The following SETD3 variants were observed in gnomAD, a reference collection of about 807,000 sequenced individuals.
The protein encoded by SETD3 is actin-histidine N-methyltransferase.
In SETD3, 19 loss-of-function variants were observed where a neutral mutation model predicts 63.0. The ratio of observed to expected loss-of-function variants is 0.30; its 90% CI spans 0.21 to 0.44. The LOEUF (loss-of-function observed/expected upper bound fraction) is 0.44. Ranked by LOEUF, SETD3 falls within the 20% of genes least tolerant of loss-of-function variation. The pLI is 1.00. For synonymous variants in SETD3, 286 were observed against 264.1 expected, an observed-to-expected ratio of 1.08 and a Z score of -0.80; for missense variants, 587 against 728.5, an observed-to-expected ratio of 0.81 and a Z score of 2.24.
rs200644085 is a variant in SETD3 at position 99,405,249 on chromosome 14, G to C, written c.1047C>G (p.Leu349=). 34 of 1,614,158 alleles carry C rather than the reference G, an allele frequency of 2.1e-5. No homozygotes were observed. Among genetic ancestry groups the C allele is most frequent in the Middle Eastern group, 1.7e-4 (1 of 6,060 alleles). The change falls in exon 10 of 13, where the codon CTC becomes CTG. Residue 349 remains leucine (L), a synonymous_variant. Coordinates refer to ENST00000331768, the MANE Select transcript of SETD3 (RefSeq NM_032233.3). ...CCAAGACCTCGGCCTTCATGGCGTA[G>C]AGTCTGTCACTTTTACTCACTCCAA... is the stretch of plus-strand genomic sequence containing the variant. The part of the protein sequence containing the change: ...IKLGVSKSDR[L]YAMKAEVLAR...
At chr14:99,474,650 A>C (rs933340315) in intron 1 of SETD3, among the ~76,000 whole-genome samples, 3 of 152,136 alleles carry the variant, frequency 2.0e-5, no homozygotes, top group Non-Finnish European at 4.4e-5. Context: ...GGATCGCCTG[A>C]GGTCAGGAGT....
At position 99,455,655 on chromosome 14, in the gene SETD3, A is replaced by G. The variant is rs184144570; in HGVS notation, c.675+2624T>C. ...GTTGGTAGGCCTCAGGCTTCCAATC[A>G]TTAGGTGGGAAGAACTGTGATTTTC... On this transcript the variant is annotated intron_variant, in intron 6 of 12. Coordinates refer to ENST00000331768, the MANE Select transcript of SETD3 (RefSeq NM_032233.3). 3.3e-5 allele frequency among the ~76,000 whole-genome samples: 5 copies of G among 152,324 alleles called. No homozygotes were observed. In the East Asian group the frequency reaches 9.7e-4, roughly 29 times the overall value.
intron 1 of SETD3, among the ~76,000 whole-genome samples, chr14:99,480,455 G>T (rs1244648622): frequency 5.3e-5 from 8 of 151,564 alleles, no homozygotes; most frequent in African/African-American, 1.9e-4. Flanking sequence ...GGGCAGCGGC[G>T]AGCGCGCGCC....
At chr14:99,443,231 G>A (rs1893932571) in intron 6 of SETD3, among the ~76,000 whole-genome samples, 1 of 148,554 alleles carries the variant, frequency 6.7e-6, no homozygotes. Flanking sequence ...TCTCCATAAA[G>A]CAATCTTCCT....
chr14:99,463,401 GACCTTT>G, intron 3 of SETD3, 79 bp downstream of exon 3: 2 of 978,542 alleles, frequency 2.0e-6, no homozygotes, highest in Non-Finnish European at 3.1e-6. Context: ...ATGATGCTGA[GACCTTT>G]ACTACTCGTC....
At chr14:99,399,741 ATTTTTTTTT>A (rs150317244) in intron 12 of SETD3, among the ~76,000 whole-genome samples, 6 of 127,728 alleles carry the variant, frequency 4.7e-5, no homozygotes, top group Non-Finnish European at 9.8e-5. Context: ...CTTTCATTAA[ATTTTTTTTT>A]TTTTTTTTTT....
rs761895704 is a variant in SETD3, at chr14:99,459,173, A to G, written c.358T>C (p.Phe120Leu). The G allele has an allele frequency of 3.1e-6, 5 of 1,611,004 alleles. No individual in the cohort carries two copies. The Admixed American group carries it at 8.4e-5, about 27-fold the overall frequency. The change falls in exon 5 of 13, where the codon TTT (phenylalanine) becomes CTT (leucine). Residue 120 changes from phenylalanine (F) to leucine (L), a missense_variant. Transcript: ENST00000331768. The part of the protein sequence containing the change: ...ATRDIKAEEL[F>L]LWVPRKLLMT... ...AGCAATTTTCGTGGAACCCATAAAA[A>G]CAATTCTTCTGCCTAGGGAAAAAAA...
chr14:99,441,394 G>A (rs566844060), intron 6 of SETD3, among the ~76,000 whole-genome samples: 2 of 152,338 alleles, frequency 1.3e-5, no homozygotes, highest in South Asian at 2.1e-4. Context: ...GAGCCCTCCT[G>A]TGTGACAGGC....
intron 6 of SETD3, among the ~76,000 whole-genome samples, chr14:99,430,782 C>T (rs1412812450): frequency 6.6e-6 from 1 of 152,190 alleles, no homozygotes; most frequent in Non-Finnish European, 1.5e-5. Flanking sequence ...CCTCCACGAG[C>T]ACCATGCCCA....
At chr14:99,450,181 A>G (rs529630486) in intron 6 of SETD3, among the ~76,000 whole-genome samples, 1 of 152,216 alleles carries the variant, frequency 6.6e-6, no homozygotes, top group Non-Finnish European at 1.5e-5. Context: ...TGAGCGTCTA[A>G]ACCCTTTCCG....
At chr14:99,414,008 C>A in intron 6 of SETD3, 74 bp from the exon 7 acceptor site, 1 of 1,349,478 alleles carries the variant, frequency 7.4e-7, no homozygotes, top group South Asian at 1.2e-5. Context: ...AGCAGAATTT[C>A]ATTATTTAGC....
chr14:99,481,736 G>T (rs1004818084), upstream of SETD3: 3 of 367,128 alleles, frequency 8.2e-6, no homozygotes, highest in Non-Finnish European at 9.7e-6. Flanking sequence ...CCCTCGCACT[G>T]GGGGGCAGTC....
At chr14:99,461,646 C>T (rs1429211735) in intron 3 of SETD3, among the ~76,000 whole-genome samples, 1 of 152,162 alleles carries the variant, frequency 6.6e-6, no homozygotes, top group African/African-American at 2.4e-5. Context: ...CTTCTATTAC[C>T]ACTACTATGA....
intron 6 of SETD3, among the ~76,000 whole-genome samples, chr14:99,441,600 G>A (rs1001678156): frequency 1.3e-5 from 2 of 152,214 alleles, no homozygotes; most frequent in Non-Finnish European, 1.5e-5. Context: ...CTATGCCAAG[G>A]CTAGAAGAAC....
At chr14:99,461,811 A>G (rs1003816305) in intron 3 of SETD3, among the ~76,000 whole-genome samples, 4 of 152,218 alleles carry the variant, frequency 2.6e-5, no homozygotes. Context: ...GATTCTAAGA[A>G]CACAAAACTG....
intron 8 of SETD3, chr14:99,410,104 G>A: frequency 9.4e-7 from 1 of 1,066,568 alleles, no homozygotes; most frequent in Admixed American, 1.8e-5. Context: ...TTCCACATAG[G>A]GTGCTCAGGG....
At chr14:99,469,284 A>G (rs1483578224) in intron 1 of SETD3, among the ~76,000 whole-genome samples, 1 of 152,206 alleles carries the variant, frequency 6.6e-6, no homozygotes, top group Non-Finnish European at 1.5e-5. Flanking sequence ...CTAGAACGCA[A>G]TCTTCAAAAG....
intron 1 of SETD3, among the ~76,000 whole-genome samples, chr14:99,474,953 A>C (rs1188257951): frequency 3.3e-5 from 5 of 152,106 alleles, no homozygotes; most frequent in Non-Finnish European, 4.4e-5. Flanking sequence ...TTTTCATTAC[A>C]TAGTAGGTTT....
intron 9 of SETD3, among the ~76,000 whole-genome samples, chr14:99,405,665 G>A (rs1323608963): frequency 6.6e-6 from 1 of 152,026 alleles, no homozygotes; most frequent in African/African-American, 2.4e-5. Flanking sequence ...GGTGACCTGG[G>A]GTCACCAGGC....
Sources: allele counts gnomAD v4.1 joint callset (sites outside exome capture counted in the v4.1 genomes callset), GRCh38; gene constraint gnomAD v4.1.1; transcripts MANE v1.5; gene names NCBI Gene and HGNC (gene_info 2026-07-23, HGNC 2026-07-21).